The following TUSC3 variants were observed in gnomAD, a reference collection of about 807,000 sequenced individuals.
TUSC3 encodes tumor suppressor candidate 3, also known as dolichyl-diphosphooligosaccharide--protein glycosyltransferase subunit TUSC3.
In TUSC3, 45 loss-of-function variants were observed where a neutral mutation model predicts 44.8. That is an observed-to-expected ratio of 1.00 (90% CI 0.79 to 1.29). The LOEUF is 1.29. Among genes scored for constraint, TUSC3 ranks in the 50% most tolerant of loss-of-function variants. TUSC3 has a pLI of 0.00. For synonymous variants in TUSC3, 212 were observed against 152.9 expected (o/e 1.39, Z -2.85); for missense variants, 519 against 437.9 (o/e 1.19, Z -1.65).
chr8:15,440,998 C>T, intron 1 of TUSC3, among the ~76,000 whole-genome samples: 1 of 152,190 alleles, frequency 6.6e-6, no homozygotes, highest in East Asian at 1.9e-4. Context: ...AGTACTATTT[C>T]TGGAATTGCA....
chr8:15,516,869 A>G (rs1563271819), intron 2 of TUSC3, among the ~76,000 whole-genome samples: 2 of 152,218 alleles, frequency 1.3e-5, no homozygotes, highest in Non-Finnish European at 2.9e-5. Context: ...AGTAGTATAA[A>G]TATTAGAATG....
At chr8:15,731,103 C>G (rs922163210) in intron 7 of TUSC3, among the ~76,000 whole-genome samples, 1 of 151,964 alleles carries the variant, frequency 6.6e-6, no homozygotes, top group Non-Finnish European at 1.5e-5. Context: ...TTTCGTACTG[C>G]TCCCCTTAAA....
chr8:15,565,470 A>C (rs1168849242), intron 1 of TUSC3, among the ~76,000 whole-genome samples: 1 of 151,764 alleles, frequency 6.6e-6, no homozygotes, highest in African/African-American at 2.4e-5. Context: ...CACTTTTCAG[A>C]CTCCCACAGC....
chr8:15,513,855 AC>A, intron 2 of TUSC3, among the ~76,000 whole-genome samples: 1 of 152,134 alleles, frequency 6.6e-6, no homozygotes, highest in East Asian at 1.9e-4. Context: ...TTTCAGTCTA[AC>A]TTTTACTTGC....
At chr8:15,446,352 G>A (rs1026903368) in intron 1 of TUSC3, among the ~76,000 whole-genome samples, 4 of 152,040 alleles carry the variant, frequency 2.6e-5, no homozygotes, top group Admixed American at 6.5e-5. Context: ...CTGCAATCTC[G>A]GCACTTTGGG....
the TUSC3 span, among the ~76,000 whole-genome samples, chr8:15,779,098 C>CTTTT: frequency 8.9e-6 from 1 of 111,854 alleles, no homozygotes; most frequent in African/African-American, 3.9e-5. Context: ...CGAATGTTTT[C>CTTTT]TTTTTTTTTT....
chr8:15,485,306 T>C (rs2129125150), intron 2 of TUSC3, among the ~76,000 whole-genome samples: 1 of 152,318 alleles, frequency 6.6e-6, no homozygotes, highest in East Asian at 1.9e-4. Context: ...AGAATTTCAC[T>C]TCCAGGGTTC....
intron 1 of TUSC3, among the ~76,000 whole-genome samples, chr8:15,555,168 G>A (rs6997680): frequency 0.31 from 36,728 of 119,632 alleles, 6,699 homozygotes; most frequent in East Asian, 0.43. Context: ...TTTTTGGGGG[G>A]GACGAGATCT....
chr8:15,668,491 A>G (rs180760224), intron 5 of TUSC3, among the ~76,000 whole-genome samples: 1 of 151,910 alleles, frequency 6.6e-6, no homozygotes, highest in Non-Finnish European at 1.5e-5. Flanking sequence ...AAGATAAGAC[A>G]AGTGAAAAAG....
At chr8:15,631,147 C>A (rs1864236) in intron 2 of TUSC3, among the ~76,000 whole-genome samples, 50,756 of 151,982 alleles carry the variant, frequency 0.33, 8,898 homozygotes, top group East Asian at 0.42. Flanking sequence ...GTTTGGCTAA[C>A]GTGAGACATT....
At chr8:15,439,816 T>C (rs1046442100) in intron 1 of TUSC3, among the ~76,000 whole-genome samples, 1 of 152,230 alleles carries the variant, frequency 6.6e-6, no homozygotes, top group African/African-American at 2.4e-5. Flanking sequence ...TGCACTAGTC[T>C]GTCACCATAC....
chr8:15,453,699 A>G (rs1159388554), intron 1 of TUSC3, among the ~76,000 whole-genome samples: 2 of 152,234 alleles, frequency 1.3e-5, no homozygotes, highest in African/African-American at 4.8e-5. Flanking sequence ...GGGACTTAGT[A>G]TAATTACACA....
chr8:15,713,675 C>G (rs539786387), intron 6 of TUSC3, among the ~76,000 whole-genome samples: 6 of 152,016 alleles, frequency 3.9e-5, no homozygotes, highest in African/African-American at 1.2e-4. Context: ...TTCCCATGGT[C>G]TTTACTCAGT....
At chr8:15,600,890 A>C (rs1804259056) in intron 1 of TUSC3, among the ~76,000 whole-genome samples, 1 of 151,728 alleles carries the variant, frequency 6.6e-6, no homozygotes, top group Non-Finnish European at 1.5e-5. Context: ...AGAAATGGTG[A>C]ACCCAAATTG....
chr8:15,520,569 T>C lies in TUSC3; in HGVS notation n.189+37086T>C, dbSNP rs534969050. Among the ~76,000 whole-genome samples the C allele has an allele frequency of 2.0e-5, 3 of 152,324 alleles. No homozygotes were observed. In the South Asian group the frequency reaches 6.2e-4, roughly 32 times the overall value. On this transcript the variant is annotated intron_variant and non_coding_transcript_variant, in intron 2 of 5. Coordinates refer to the TUSC3 transcript ENST00000503191. ...TTGAAACATTCCTGCCTCTGTGTTG[T>C]ATTAAACCTCTGCACTGTGTGATAA...
intron 6 of TUSC3, among the ~76,000 whole-genome samples, chr8:15,679,325 G>T (rs182172750): frequency 6.6e-6 from 1 of 152,068 alleles, no homozygotes; most frequent in East Asian, 1.9e-4. Flanking sequence ...GTGTCTCATT[G>T]TAGTTTTGAT....
At chr8:15,520,234 A>G (rs779655889) in intron 2 of TUSC3, among the ~76,000 whole-genome samples, 10 of 152,230 alleles carry the variant, frequency 6.6e-5, no homozygotes, top group Non-Finnish European at 1.3e-4. Context: ...GTCTCTGTCA[A>G]TAGGGATTCC....
intron 1 of TUSC3, among the ~76,000 whole-genome samples, chr8:15,422,692 C>T (rs1253603452): frequency 2.0e-5 from 3 of 152,024 alleles, no homozygotes; most frequent in Non-Finnish European, 2.9e-5. Flanking sequence ...CACTCTGTCA[C>T]CCAGGCTGGG....
At chr8:15,624,118 A>G (rs1805383098) in intron 2 of TUSC3, among the ~76,000 whole-genome samples, 1 of 152,178 alleles carries the variant, frequency 6.6e-6, no homozygotes, top group Non-Finnish European at 1.5e-5. Context: ...GTAATTCCCT[A>G]AAAAAATACG....
Sources: allele counts gnomAD v4.1 joint callset (sites outside exome capture counted in the v4.1 genomes callset), GRCh38; gene constraint gnomAD v4.1.1; transcripts MANE v1.5; gene names NCBI Gene and HGNC (gene_info 2026-07-23, HGNC 2026-07-21).